TMC5: variants seen among roughly 807,000 people sequenced by gnomAD.
TMC5 encodes transmembrane channel like 5.
In TMC5, 86 loss-of-function variants were observed where a neutral mutation model predicts 110.5. The ratio of observed to expected loss-of-function variants is 0.78; its 90% CI spans 0.65 to 0.93. TMC5 has a LOEUF of 0.93. TMC5 is among the 40% of genes least tolerant of loss of function. TMC5 has a pLI of 0.00. For synonymous variants in TMC5, 455 were observed against 439.5 expected (o/e 1.04, Z -0.44); for missense variants, 1,144 against 1,222.8 (o/e 0.94, Z 0.96).
intron 2 of TMC5, among the ~76,000 whole-genome samples, chr16:19,437,906 C>T (rs1027345259): frequency 2.0e-5 from 3 of 152,160 alleles, no homozygotes; most frequent in African/African-American, 7.2e-5. Context: ...TTGTCCTGGT[C>T]CTGGAGGACT....
chr16:19,451,660 CG>C (rs1967752019), intron 5 of TMC5, among the ~76,000 whole-genome samples: 1 of 152,052 alleles, frequency 6.6e-6, no homozygotes, highest in Non-Finnish European at 1.5e-5. Context: ...CAGCAGACAT[CG>C]CTGGGTATCC....
At chr16:19,448,984 G>T (rs541051979) in intron 4 of TMC5, among the ~76,000 whole-genome samples, 1 of 148,500 alleles carries the variant, frequency 6.7e-6, no homozygotes, top group East Asian at 2.0e-4. Flanking sequence ...CCAGCCTCCC[G>T]AGTAGCTGGG....
rs1000976246 is a variant in TMC5 at position 19,464,122 on chromosome 16, G to T, written c.1485+98G>T. On this transcript the variant is annotated intron_variant, in intron 8 of 21. Coordinates refer to ENST00000542583, the MANE Select transcript of TMC5 (RefSeq NM_001261841.2). ...CCCACTCACACCTCTCATTTTGCCT[G>T]GGGGTCAACTGATGGGGAAAGTGGA... 16 of 1,370,672 alleles carry T rather than the reference G, an allele frequency of 1.2e-5. No homozygotes were observed. The African/African-American group carries it at 2.3e-4, about 20-fold the overall frequency. 84.9% of individuals were successfully genotyped at this position (1,370,672 alleles called of 1,614,324 possible).
intron 15 of TMC5, among the ~76,000 whole-genome samples, 195 bp downstream of exon 15, chr16:19,481,660 A>G (rs1317554903): frequency 6.6e-6 from 1 of 152,224 alleles, no homozygotes; most frequent in Non-Finnish European, 1.5e-5. Context: ...TCAGACAAGA[A>G]TCAGCATAGA....
At chr16:19,458,991 T>G (rs899161499) in intron 5 of TMC5, among the ~76,000 whole-genome samples, 1 of 151,932 alleles carries the variant, frequency 6.6e-6, no homozygotes, top group Admixed American at 6.6e-5. Context: ...TCACATCACA[T>G]GCAGACACAA....
At chr16:19,456,842 T>C (rs764007726) in intron 5 of TMC5, 1 of 1,614,204 alleles carries the variant, frequency 6.2e-7, no homozygotes, top group Admixed American at 1.7e-5. Flanking sequence ...CATGGTTTTG[T>C]CAATATCTGA....
chr16:19,438,119 C>T (rs949277355), intron 2 of TMC5, among the ~76,000 whole-genome samples: 3 of 152,064 alleles, frequency 2.0e-5, no homozygotes, highest in Non-Finnish European at 4.4e-5. Flanking sequence ...AGGCCAGGTG[C>T]AGTGGCTTAC....
chr16:19,477,660 C>A, intron 13 of TMC5, 142 bp downstream of exon 13: 1 of 613,056 alleles, frequency 1.6e-6, no homozygotes. Context: ...ATCTGGAAAG[C>A]AACATAAGGC....
chr16:19,443,988 C>G, intron 3 of TMC5, 93 bp from the exon 4 acceptor site: 1 of 1,212,342 alleles, frequency 8.2e-7, no homozygotes. Flanking sequence ...TGGATGAATA[C>G]ATGATTGAAT....
chr16:19,427,820 G>A (rs1967116508), intron 1 of TMC5, among the ~76,000 whole-genome samples: 1 of 150,598 alleles, frequency 6.6e-6, no homozygotes, highest in Non-Finnish European at 1.5e-5. Flanking sequence ...GCCCCCACTT[G>A]AGAACCACTG....
chr16:19,477,257 A>T (rs1049981625), intron 12 of TMC5, among the ~76,000 whole-genome samples, 183 bp from the exon 13 acceptor site: 1 of 152,024 alleles, frequency 6.6e-6, no homozygotes, highest in South Asian at 2.1e-4. Flanking sequence ...CAAAAAATAA[A>T]AAAAAAAGAA....
chr16:19,469,887 C>A, intron 10 of TMC5, 62 bp downstream of exon 10: 1 of 1,548,276 alleles, frequency 6.5e-7, no homozygotes, highest in Non-Finnish European at 8.7e-7. Context: ...TCCAGTATAC[C>A]TGTAACTTTT....
intron 10 of TMC5, among the ~76,000 whole-genome samples, chr16:19,470,323 G>A (rs1004581158): frequency 5.3e-5 from 8 of 152,030 alleles, no homozygotes; most frequent in Non-Finnish European, 7.4e-5. Context: ...CAAGTAGCTG[G>A]GATTACAGGC....
At chr16:19,491,440 C>G (rs565751255) in intron 18 of TMC5, among the ~76,000 whole-genome samples, 2 of 151,566 alleles carry the variant, frequency 1.3e-5, no homozygotes, top group Non-Finnish European at 2.9e-5. Context: ...GTTCTCTGAT[C>G]GTGCCACTGC....
intron 19 of TMC5, among the ~76,000 whole-genome samples, chr16:19,493,445 G>GTCTCTC (rs758091886): frequency 0.041 from 2,400 of 58,266 alleles, 82 homozygotes; most frequent in African/African-American, 0.12. Flanking sequence ...TTTGGTTAAT[G>GTCTCTC]TCTCTCTCTC....
In TMC5 at chr16:19,444,173, A is replaced by C; in HGVS notation, c.881A>C (p.Glu294Ala). ...GSLWGENDYP[E>A]GIEMASMEMA... ...CTTTGGGGAGAGAATGATTACCCTG[A>C]AGGCATTGAAATGGCATCCATGGAG... Residue 294 changes from glutamate (E) to alanine (A), a missense_variant, in exon 4 of 22, where the codon GAA becomes GCA. Physicochemically the swap from Glu to Ala is moderately radical, Grantham distance 107. Transcript: ENST00000542583. The C allele has an allele frequency of 3.1e-6, 5 of 1,614,074 alleles. No individual in the cohort carries two copies. Among genetic ancestry groups the C allele is most frequent in the Non-Finnish European group, 4.2e-6 (5 of 1,180,004 alleles).
upstream of TMC5, chr16:19,410,558 A>C (rs534284435): frequency 6.6e-6 from 1 of 152,294 alleles, no homozygotes; most frequent in South Asian, 2.1e-4. Context: ...TGGGTCATGG[A>C]AAGAAAGAAT....
chr16:19,416,177 G>T (rs181969786), upstream of TMC5, among the ~76,000 whole-genome samples: 8 of 148,370 alleles, frequency 5.4e-5, no homozygotes, highest in Non-Finnish European at 1.2e-4. Context: ...CAAAGCAAGA[G>T]CCTGTCTCAA....
chr16:19,485,380 C>T (rs569775387), intron 15 of TMC5, among the ~76,000 whole-genome samples: 5 of 152,302 alleles, frequency 3.3e-5, no homozygotes, highest in African/African-American at 9.6e-5. Context: ...GGCCAGACTG[C>T]TTTTCCCAAC....
Sources: gnomAD v4.1 joint callset for allele counts (sites outside exome capture counted in the v4.1 genomes callset) on GRCh38, gnomAD v4.1.1 for gene constraint, MANE v1.5 for transcripts, NCBI Gene and HGNC (gene_info 2026-07-23, HGNC 2026-07-21) for gene names.